PTPRT: variants seen among roughly 807,000 people sequenced by gnomAD.
PTPRT encodes protein tyrosine phosphatase receptor type T.
Under a neutral mutation model 176.8 loss-of-function variants are expected in PTPRT, and 56 were observed. That is an observed-to-expected ratio of 0.32 (90% CI 0.26 to 0.40). PTPRT has a LOEUF of 0.40. Among genes scored for constraint, PTPRT ranks in the 10% least tolerant of loss-of-function variants. The pLI, the probability that PTPRT is intolerant of heterozygous loss-of-function variation, is 1.00. For synonymous variants in PTPRT, 783 were observed against 739.0 expected, an observed-to-expected ratio of 1.06 and a Z score of -0.96; for missense variants, 1,540 against 1,908.2, an observed-to-expected ratio of 0.81 and a Z score of 3.60.
rs1159094345 is a variant in PTPRT, at chr20:42,624,005, C to CAAAAAAAAAA, written c.1153+53860_1153+53861insTTTTTTTTTT. Among the ~76,000 whole-genome samples, 134 of 135,750 alleles carry CAAAAAAAAAA rather than the reference C, an allele frequency of 9.9e-4. 5 individuals carry two copies. Among genetic ancestry groups the CAAAAAAAAAA allele is most frequent in the African/African-American group, 4.0e-3 (126 of 31,186 alleles). The allele number at this position is 135,750 out of a possible 152,430, so 89.1% of individuals were successfully genotyped here. On this transcript the variant is annotated intron_variant, in intron 7 of 30. Transcript: ENST00000373187. ...CCCACGAAGGAAAACAAAACAATAG[C>CAAAAAAAAAA]AACAAACAAACAAACAAACAAAAAA...
intron 12 of PTPRT, among the ~76,000 whole-genome samples, chr20:42,311,926 T>C (rs980858609): frequency 2.6e-5 from 4 of 152,202 alleles, no homozygotes; most frequent in African/African-American, 9.6e-5. Flanking sequence ...TTGTCTAACA[T>C]GAGAAAATGA....
intron 6 of PTPRT, among the ~76,000 whole-genome samples, chr20:42,686,603 C>T (rs142717193): frequency 6.6e-6 from 1 of 151,508 alleles, no homozygotes; most frequent in East Asian, 2.0e-4. Context: ...CCTGCCTCAG[C>T]CTCCTGAGTA....
chr20:42,619,580 A>G (rs1288156758), intron 7 of PTPRT, among the ~76,000 whole-genome samples: 43 of 131,406 alleles, frequency 3.3e-4, no homozygotes, highest in South Asian at 4.7e-4. Context: ...AGGTACACCA[A>G]TCAGACGTAG....
intron 12 of PTPRT, among the ~76,000 whole-genome samples, chr20:42,300,646 T>C (rs1275307897): frequency 2.0e-5 from 3 of 151,670 alleles, no homozygotes; most frequent in Non-Finnish European, 4.4e-5. Context: ...AATTAATACA[T>C]TGAAAATAGG....
chr20:42,302,423 C>T (rs894288283), intron 12 of PTPRT, among the ~76,000 whole-genome samples: 1 of 152,162 alleles, frequency 6.6e-6, no homozygotes, highest in Non-Finnish European at 1.5e-5. Context: ...GGCTTCTGCT[C>T]AGGTGCTTCC....
intron 17 of PTPRT, among the ~76,000 whole-genome samples, chr20:42,146,795 T>C (rs1988888788): frequency 6.6e-6 from 1 of 152,226 alleles, no homozygotes; most frequent in East Asian, 1.9e-4. Flanking sequence ...TAGTGCAACA[T>C]CCTTAATGAC....
chr20:42,746,260 T>G (rs1395506522), intron 6 of PTPRT, among the ~76,000 whole-genome samples: 3 of 152,168 alleles, frequency 2.0e-5, no homozygotes, highest in African/African-American at 7.2e-5. Context: ...TAGCCTCCCC[T>G]CCACACATAT....
chr20:42,105,618 T>C (rs370502408), intron 24 of PTPRT, among the ~76,000 whole-genome samples: 11 of 152,222 alleles, frequency 7.2e-5, no homozygotes, highest in African/African-American at 2.7e-4. Flanking sequence ...ATGTGATGCA[T>C]CTGCATTTGA....
chr20:42,904,852 C>T (rs965781297), intron 1 of PTPRT, among the ~76,000 whole-genome samples: 2 of 152,174 alleles, frequency 1.3e-5, no homozygotes, highest in African/African-American at 4.8e-5. Flanking sequence ...GCTGGGAAAA[C>T]TGGCTAGCCA....
the PTPRT span, among the ~76,000 whole-genome samples, chr20:42,044,370 C>A: frequency 1.3e-5 from 2 of 152,228 alleles, no homozygotes; most frequent in Non-Finnish European, 2.9e-5. Context: ...GAGGACTTTA[C>A]AACCACTCAG....
chr20:42,134,391 C>T (rs1012938454), intron 18 of PTPRT, among the ~76,000 whole-genome samples: 7 of 152,204 alleles, frequency 4.6e-5, no homozygotes, highest in Non-Finnish European at 1.0e-4. Context: ...GAAGCAAACT[C>T]CTCAATGAGG....
chr20:42,279,524 C>A (rs2057103390), intron 13 of PTPRT, among the ~76,000 whole-genome samples: 1 of 152,098 alleles, frequency 6.6e-6, no homozygotes, highest in Non-Finnish European at 1.5e-5. Context: ...AACTGTGAGA[C>A]AATAAATTTG....
intron 2 of PTPRT, among the ~76,000 whole-genome samples, chr20:42,861,814 G>A (rs190318481): frequency 2.6e-5 from 4 of 152,140 alleles, no homozygotes; most frequent in Admixed American, 6.5e-5. Flanking sequence ...AAGAGCCTTC[G>A]GCAAGTGAAA....
intron 16 of PTPRT, among the ~76,000 whole-genome samples, chr20:42,185,673 A>G (rs1990750170): frequency 6.6e-6 from 1 of 152,274 alleles, no homozygotes. Flanking sequence ...AGTTGTACTG[A>G]GCTTTCTAAA....
chr20:42,889,604 T>C (rs1209341428), intron 1 of PTPRT, among the ~76,000 whole-genome samples: 2 of 152,202 alleles, frequency 1.3e-5, no homozygotes, highest in Non-Finnish European at 2.9e-5. Context: ...TGGGCTCCTG[T>C]TCTGCACTTT....
chr20:43,126,646 C>T (rs1225794315), intron 1 of PTPRT, among the ~76,000 whole-genome samples: 1 of 152,196 alleles, frequency 6.6e-6, no homozygotes, highest in East Asian at 1.9e-4. Flanking sequence ...TTACAAAGGT[C>T]AGAGCCCAGG....
intron 2 of PTPRT, among the ~76,000 whole-genome samples, chr20:42,870,561 C>T (rs938528540): frequency 1.5e-4 from 23 of 152,190 alleles, no homozygotes; most frequent in African/African-American, 5.3e-4. Flanking sequence ...ACGGACTGCA[C>T]ATATGAAGGT....
chr20:42,666,380 T>A (rs971752402), intron 7 of PTPRT, among the ~76,000 whole-genome samples: 3 of 152,128 alleles, frequency 2.0e-5, no homozygotes, highest in African/African-American at 7.2e-5. Context: ...CAAAAAAAAA[T>A]TTTAAAGTCA....
intron 6 of PTPRT, among the ~76,000 whole-genome samples, chr20:42,700,003 C>A (rs1330731960): frequency 6.6e-6 from 1 of 152,134 alleles, no homozygotes; most frequent in Non-Finnish European, 1.5e-5. Context: ...GGTCTTGATC[C>A]TTCTCCCTGA....
Sources: allele counts gnomAD v4.1 joint callset (sites outside exome capture counted in the v4.1 genomes callset), GRCh38; gene constraint gnomAD v4.1.1; transcripts MANE v1.5; gene names NCBI Gene and HGNC (gene_info 2026-07-23, HGNC 2026-07-21).